The following CNKSR2 variants were observed in gnomAD, a reference collection of about 807,000 sequenced individuals.
The protein encoded by CNKSR2 is connector enhancer of kinase suppressor of Ras 2.
Under a neutral mutation model 84.4 loss-of-function variants are expected in CNKSR2, and 14 were observed. That is an observed-to-expected ratio of 0.17 (90% CI 0.11 to 0.26). The LOEUF is 0.26. Among genes scored for constraint, CNKSR2 ranks in the 10% least tolerant of loss-of-function variants. The probability of loss-of-function intolerance (pLI) is 1.00; values close to 1 mark genes in which losing one functional copy is unlikely to be tolerated. For missense variants in CNKSR2, 485 were observed against 771.2 expected (o/e 0.63, Z 4.40); for synonymous variants, 275 against 277.9 (o/e 0.99, Z 0.10).
Position 21,648,794 on chromosome X carries a change from C to CTTTTTTTTTTT in CNKSR2, c.2693-22_2693-12dup, listed in dbSNP as rs33962399. 2.0e-3 allele frequency: 621 copies of CTTTTTTTTTTT among 315,882 alleles called. 33 individuals carry two copies. Among genetic ancestry groups the CTTTTTTTTTTT allele is most frequent in the African/African-American group, 3.0e-3 (48 of 16,131 alleles). 26.0% of individuals were successfully genotyped at this position (315,882 alleles called of 1,213,427 possible). A position where few individuals can be genotyped will look rare whatever the true frequency, so the allele number is the denominator to read the frequency against. The stretch of plus-strand genomic sequence containing the variant: ...TTTCTCTCTCTCTCTCTCTCTCTTT[C>CTTTTTTTTTTT]TTTTTTTTTTTTTTTTTTTTTTTTT... On this transcript the variant is annotated intron_variant, in intron 20 of 21. Coordinates refer to ENST00000379510, the MANE Select transcript of CNKSR2 (RefSeq NM_014927.5).
chrX:21,553,301 T>A (rs756876101), intron 11 of CNKSR2, among the ~76,000 whole-genome samples: 1 of 111,598 alleles, frequency 9.0e-6, no homozygotes, highest in Admixed American at 9.5e-5. Context: ...AACTTGAAAG[T>A]CTGTATTCAT....
chrX:21,492,809 G>A (rs1239752754), intron 6 of CNKSR2: 1 of 111,789 alleles, frequency 8.9e-6, no homozygotes, highest in Non-Finnish European at 1.9e-5. Context: ...GCTTATTCAA[G>A]GTATCGTTTT....
Position 21,430,426 on chromosome X carries a change from T to G in CNKSR2, c.229-2186T>G, listed in dbSNP as rs149154633. The stretch of plus-strand genomic sequence containing the variant: ...TTGAGATGCTAGTGTTATATAGAGA[T>G]AAACAATTTAAAATAATCTTTTATG... On this transcript the variant is annotated intron_variant, in intron 2 of 21. Coordinates refer to ENST00000379510, the MANE Select transcript of CNKSR2 (RefSeq NM_014927.5). Among the ~76,000 whole-genome samples the G allele has an allele frequency of 9.4e-3, 1,049 of 111,738 alleles. 12 individuals are homozygous for G. Among genetic ancestry groups the G allele is most frequent in the African/African-American group, 0.031 (962 of 30,846 alleles).
chrX:21,457,365 A>G (rs940029882), intron 4 of CNKSR2, among the ~76,000 whole-genome samples: 1 of 110,548 alleles, frequency 9.0e-6, no homozygotes, highest in Admixed American at 9.7e-5. Flanking sequence ...TTATTTCGGT[A>G]TTTTTCTACC....
intron 1 of CNKSR2, among the ~76,000 whole-genome samples, chrX:21,378,706 T>C (rs2089855918): frequency 9.0e-6 from 1 of 110,918 alleles, no homozygotes; most frequent in African/African-American, 3.3e-5. Context: ...TCCACATGAC[T>C]AAGTTATTTT....
At chrX:21,565,209 T>C (rs1386377237) in intron 13 of CNKSR2, among the ~76,000 whole-genome samples, 2 of 111,596 alleles carry the variant, frequency 1.8e-5, no homozygotes, top group Admixed American at 1.9e-4. Flanking sequence ...AGTGAGTCAT[T>C]GAAGGCACAT....
At chrX:21,565,782 G>C (rs1161803933) in intron 13 of CNKSR2, among the ~76,000 whole-genome samples, 1 of 111,364 alleles carries the variant, frequency 9.0e-6, no homozygotes, top group South Asian at 3.8e-4. Context: ...AACTCTAATT[G>C]GTGGGGTTTT....
At chrX:21,616,590 C>T (rs2092577792) in intron 20 of CNKSR2, among the ~76,000 whole-genome samples, 1 of 111,874 alleles carries the variant, frequency 8.9e-6, no homozygotes, top group African/African-American at 3.2e-5. Flanking sequence ...AATTACTGCT[C>T]CTCACATTAT....
chrX:21,455,099 A>G (rs900091303), intron 4 of CNKSR2, among the ~76,000 whole-genome samples: 1 of 112,095 alleles, frequency 8.9e-6, no homozygotes, highest in African/African-American at 3.2e-5. Flanking sequence ...TGCAATTAGA[A>G]TATATCTTCC....
intron 20 of CNKSR2, among the ~76,000 whole-genome samples, chrX:21,619,750 CT>C (rs2092593641): frequency 9.0e-6 from 1 of 110,817 alleles, no homozygotes; most frequent in African/African-American, 3.3e-5. Flanking sequence ...TAGCCCATAA[CT>C]TTGATGTCAC....
At chrX:21,478,586 G>A (rs1477940613) in intron 5 of CNKSR2, among the ~76,000 whole-genome samples, 1 of 111,983 alleles carries the variant, frequency 8.9e-6, no homozygotes, top group Middle Eastern at 4.2e-3. Context: ...GACTCTGAAA[G>A]TACAATTCTT....
chrX:21,489,063 A>G (rs1174794274), intron 5 of CNKSR2, among the ~76,000 whole-genome samples: 1 of 111,772 alleles, frequency 8.9e-6, no homozygotes, highest in East Asian at 2.8e-4. Flanking sequence ...CAAAGACTCA[A>G]AAGAATGCAA....
At chrX:21,626,834 G>A (rs1340720829) in intron 20 of CNKSR2, among the ~76,000 whole-genome samples, 3 of 112,360 alleles carry the variant, frequency 2.7e-5, no homozygotes, top group Non-Finnish European at 5.6e-5. Flanking sequence ...ACAAGTACAT[G>A]TAATACATAT....
chrX:21,423,590 AG>A (rs1326890909), intron 1 of CNKSR2: 1 of 112,108 alleles, frequency 8.9e-6, no homozygotes, highest in East Asian at 2.8e-4. Context: ...TACTTGTTAT[AG>A]AGCGACTGCT....
chrX:21,515,041 TA>T (rs111880925), intron 8 of CNKSR2, among the ~76,000 whole-genome samples: 40 of 104,686 alleles, frequency 3.8e-4, no homozygotes, highest in African/African-American at 8.6e-4. Context: ...TAATGTGATT[TA>T]AAAAAAAAAA....
chrX:21,414,393 T>C (rs141312164), intron 1 of CNKSR2, among the ~76,000 whole-genome samples: 5 of 109,877 alleles, frequency 4.6e-5, no homozygotes, highest in African/African-American at 1.6e-4. Flanking sequence ...TTCAAATCTT[T>C]TGCCCATTTT....
intron 20 of CNKSR2, chrX:21,646,039 A>C (rs1233765762): frequency 1.8e-5 from 2 of 111,408 alleles, no homozygotes; most frequent in Non-Finnish European, 3.8e-5. Context: ...TAAAATGTTA[A>C]GTAATTGGTG....
intron 4 of CNKSR2, among the ~76,000 whole-genome samples, chrX:21,460,062 A>G (rs2091042337): frequency 2.7e-5 from 3 of 111,582 alleles, no homozygotes; most frequent in Admixed American, 9.5e-5. Context: ...CTGAGGTTTT[A>G]TCCTCAGCCG....
At chrX:21,588,628 ATATATT>A (rs1242522601) in intron 13 of CNKSR2, among the ~76,000 whole-genome samples, 1 of 111,832 alleles carries the variant, frequency 8.9e-6, no homozygotes, top group East Asian at 2.8e-4. Flanking sequence ...CTTTATGGAA[ATATATT>A]TATAGGAAAA....
Sources: gnomAD v4.1 joint callset for allele counts (sites outside exome capture counted in the v4.1 genomes callset) on GRCh38, gnomAD v4.1.1 for gene constraint, MANE v1.5 for transcripts, NCBI Gene and HGNC (gene_info 2026-07-23, HGNC 2026-07-21) for gene names.